NAALADL2: variants seen among roughly 807,000 people sequenced by gnomAD.
NAALADL2 encodes the protein inactive N-acetylated-alpha-linked acidic dipeptidase-like protein 2.
A neutral mutation model predicts 87.2 loss-of-function variants in NAALADL2; 76 were observed. The ratio of observed to expected loss-of-function variants is 0.87; its 90% CI spans 0.72 to 1.05. NAALADL2 has a LOEUF of 1.05. Ranked by LOEUF, NAALADL2 falls within the 50% of genes least tolerant of loss-of-function variation. The pLI, the probability that NAALADL2 is intolerant of heterozygous loss-of-function variation, is 0.00. For missense variants in NAALADL2, 1,089 were observed against 945.8 expected (o/e 1.15, Z -1.99); for synonymous variants, 354 against 331.0 (o/e 1.07, Z -0.75).
intron 11 of NAALADL2, among the ~76,000 whole-genome samples, chr3:175,634,939 A>G: frequency 6.6e-6 from 1 of 151,982 alleles, no homozygotes; most frequent in South Asian, 2.1e-4. Flanking sequence ...CCAAATATGT[A>G]TTTTCAATGC....
chr3:174,630,821 G>A (rs922812163), intron 2 of NAALADL2, among the ~76,000 whole-genome samples: 1 of 152,122 alleles, frequency 6.6e-6, no homozygotes, highest in African/African-American at 2.4e-5. Flanking sequence ...CTTCAGGTGA[G>A]ATCTGTCAGC....
chr3:175,038,175 AT>A (rs548934604), intron 1 of NAALADL2, among the ~76,000 whole-genome samples: 230 of 152,224 alleles, frequency 1.5e-3, no homozygotes, highest in African/African-American at 5.3e-3. Context: ...AAGGCTTAAC[AT>A]TTTTTTAAGG....
At chr3:175,340,178 G>T (rs1483493564) in intron 5 of NAALADL2, among the ~76,000 whole-genome samples, 3 of 152,084 alleles carry the variant, frequency 2.0e-5, no homozygotes, top group African/African-American at 7.2e-5. Flanking sequence ...AGTCATAGAA[G>T]AAATGTTACA....
At chr3:175,733,351 G>A (rs1014421436) in intron 11 of NAALADL2, among the ~76,000 whole-genome samples, 8 of 152,152 alleles carry the variant, frequency 5.3e-5, no homozygotes, top group East Asian at 1.9e-4. Context: ...TACATCTTAC[G>A]TGGTTGGTGG....
intron 1 of NAALADL2, among the ~76,000 whole-genome samples, chr3:175,009,870 G>A (rs1356317420): frequency 6.6e-6 from 1 of 151,816 alleles, no homozygotes; most frequent in East Asian, 1.9e-4. Flanking sequence ...TTACTTATTA[G>A]TTTTTATCAA....
chr3:175,395,901 A>G (rs991111058), intron 5 of NAALADL2, among the ~76,000 whole-genome samples: 4 of 152,198 alleles, frequency 2.6e-5, no homozygotes, highest in African/African-American at 9.6e-5. Context: ...TTCAAGAAAT[A>G]TATGAACTGC....
At chr3:174,846,108 T>C (rs558950579) in intron 3 of NAALADL2, among the ~76,000 whole-genome samples, 11 of 152,262 alleles carry the variant, frequency 7.2e-5, no homozygotes, top group Admixed American at 5.9e-4. Context: ...AATGTGCCAC[T>C]CACATCTGTG....
In NAALADL2 at chr3:174,859,348, C is replaced by T; in HGVS notation, c.-60C>T. 7.7e-7 allele frequency: 1 copy of T among 1,291,272 alleles called. No homozygotes were observed. Among genetic ancestry groups the T allele is most frequent in the Non-Finnish European group, 1.1e-6 (1 of 900,948 alleles). 80.0% of individuals were successfully genotyped at this position (1,291,272 alleles called of 1,614,324 possible). ...AGTAGAAAGTCAGAAGGTCACAAAG[C>T]TTGCAGGGTAAGTGACACAACTTGA... On this transcript the variant is annotated 5_prime_UTR_variant, in exon 1 of 14. Coordinates refer to ENST00000454872, the MANE Select transcript of NAALADL2 (RefSeq NM_207015.3).
intron 2 of NAALADL2, among the ~76,000 whole-genome samples, chr3:175,172,440 T>G (rs1734983524): frequency 6.6e-6 from 1 of 152,142 alleles, no homozygotes; most frequent in South Asian, 2.1e-4. Flanking sequence ...TCGCTAACCC[T>G]CAGTCATTAT....
chr3:175,157,272 G>A (rs1234560832), intron 2 of NAALADL2, among the ~76,000 whole-genome samples: 1 of 152,074 alleles, frequency 6.6e-6, no homozygotes, highest in African/African-American at 2.4e-5. Flanking sequence ...AACTGCAGAA[G>A]GCAGCATTTT....
intron 11 of NAALADL2, among the ~76,000 whole-genome samples, chr3:175,649,069 G>A (rs978863285): frequency 2.0e-5 from 3 of 152,092 alleles, no homozygotes; most frequent in Non-Finnish European, 4.4e-5. Context: ...TACTGACTTG[G>A]ATGCCTGTGA....
chr3:175,151,418 G>A (rs1445587412), intron 2 of NAALADL2, among the ~76,000 whole-genome samples: 1 of 152,136 alleles, frequency 6.6e-6, no homozygotes, highest in Non-Finnish European at 1.5e-5. Flanking sequence ...TGATATACTG[G>A]TTTGCTTTAT....
intron 9 of NAALADL2, among the ~76,000 whole-genome samples, chr3:175,562,953 GGTGTGT>G (rs71164639): frequency 6.7e-5 from 10 of 149,832 alleles, no homozygotes; most frequent in Admixed American, 1.3e-4. Flanking sequence ...ATATAGGAGG[GGTGTGT>G]GTGTGTGTGT....
At chr3:175,191,214 G>A (rs1738146679) in intron 2 of NAALADL2, among the ~76,000 whole-genome samples, 1 of 152,006 alleles carries the variant, frequency 6.6e-6, no homozygotes, top group Non-Finnish European at 1.5e-5. Flanking sequence ...CTCTTTATAT[G>A]TGTCCCCTAA....
intron 11 of NAALADL2, among the ~76,000 whole-genome samples, chr3:175,662,082 G>A (rs1205978726): frequency 6.6e-6 from 1 of 151,824 alleles, no homozygotes; most frequent in Non-Finnish European, 1.5e-5. Context: ...GGGTAGGATA[G>A]ACATTGTAAT....
rs186639459 is a variant in NAALADL2 at position 175,629,136 on chromosome 3, A to G, written c.1896+1750A>G. On this transcript the variant is annotated intron_variant, in intron 11 of 13. Transcript: ENST00000454872. ...TACTTGGAGATTATATATATATAAT[A>G]TATATGGACATATATATCATATATA... 1.2e-3 allele frequency among the ~76,000 whole-genome samples: 176 copies of G among 148,592 alleles called. 2 individuals carry two copies. The highest frequency in any genetic ancestry group is 2.0e-3 in the Non-Finnish European group (134 of 67,016).
intron 1 of NAALADL2, among the ~76,000 whole-genome samples, chr3:174,514,320 T>C (rs556092705): frequency 2.4e-4 from 36 of 152,252 alleles, no homozygotes; most frequent in African/African-American, 7.7e-4. Context: ...AAACATAGTC[T>C]GAGGCAAGAG....
chr3:174,748,213 A>G (rs914402028), intron 3 of NAALADL2, among the ~76,000 whole-genome samples: 10 of 152,266 alleles, frequency 6.6e-5, no homozygotes, highest in Admixed American at 4.6e-4. Context: ...CATACAGGGC[A>G]TAATACCTAG....
intron 2 of NAALADL2, among the ~76,000 whole-genome samples, chr3:174,652,822 G>T (rs1724509093): frequency 6.6e-6 from 1 of 151,906 alleles, no homozygotes; most frequent in South Asian, 2.1e-4. Flanking sequence ...TTATAATACA[G>T]ATTTCACAAA....
Sources: gnomAD v4.1 joint callset for allele counts (sites outside exome capture counted in the v4.1 genomes callset) on GRCh38, gnomAD v4.1.1 for gene constraint, MANE v1.5 for transcripts, NCBI Gene and HGNC (gene_info 2026-07-23, HGNC 2026-07-21) for gene names.